FAF1: variants seen among roughly 807,000 people sequenced by gnomAD.
FAF1 encodes the protein FAS-associated factor 1.
Under a neutral mutation model 92.5 loss-of-function variants are expected in FAF1, and 25 were observed. The observed-to-expected ratio is 0.27, with a 90% confidence interval of 0.20 to 0.38. The LOEUF is 0.38. Ranked by LOEUF, FAF1 falls within the 10% of genes least tolerant of loss-of-function variation. FAF1 has a pLI of 1.00. For missense variants in FAF1, 636 were observed against 793.3 expected (o/e 0.80, Z 2.38); for synonymous variants, 234 against 273.2 (o/e 0.86, Z 1.42).
chr1:50,595,936 C>T (rs1258380498), intron 9 of FAF1, among the ~76,000 whole-genome samples, 185 bp downstream of exon 9: 3 of 152,084 alleles, frequency 2.0e-5, no homozygotes, highest in Non-Finnish European at 4.4e-5. Flanking sequence ...ACTAACAGAG[C>T]GAGAAGGAGC....
chr1:50,539,783 T>C lies in FAF1; in HGVS notation c.1269-55A>G, dbSNP rs1433525431. 7 of 1,292,662 alleles carry C rather than the reference T, an allele frequency of 5.4e-6. No individual in the cohort carries two copies. The East Asian group carries it at 1.6e-4, about 30-fold the overall frequency. The allele number at this position is 1,292,662 out of a possible 1,614,324, so 80.1% of individuals were successfully genotyped here. ...TTGCTTTGTAGTTTAATAGATTTAC[T>C]AGTACTTCAACAAAGAACTCATTGT... On this transcript the variant is annotated intron_variant, in intron 13 of 18. Transcript: ENST00000396153.
At chr1:50,954,574 G>C (rs1211856178) in intron 1 of FAF1, among the ~76,000 whole-genome samples, 1 of 125,964 alleles carries the variant, frequency 7.9e-6, no homozygotes, top group African/African-American at 3.0e-5. Flanking sequence ...AGAGTCTTAC[G>C]CTGTCACCCA....
chr1:50,644,601 A>C lies in FAF1; in HGVS notation c.744+10841T>G, dbSNP rs1435153554. 1.3e-5 allele frequency among the ~76,000 whole-genome samples: 2 copies of C among 152,174 alleles called. 1 individual carries two copies. Among genetic ancestry groups the C allele is most frequent in the East Asian group, 3.9e-4 (2 of 5,192 alleles). ...TCCCTTCAACTCAGCGAAATTACCA[A>C]GTTCTGTTTTACTTTCCCTTTCCTG... On this transcript the variant is annotated intron_variant, in intron 8 of 18. Coordinates refer to ENST00000396153, the MANE Select transcript of FAF1 (RefSeq NM_007051.3).
intron 17 of FAF1, among the ~76,000 whole-genome samples, chr1:50,484,285 T>G (rs974409739): frequency 3.3e-5 from 5 of 152,106 alleles, no homozygotes; most frequent in Non-Finnish European, 7.4e-5. Context: ...ATTTCCTAAA[T>G]CAAAATTCAA....
chr1:50,877,520 T>C (rs565011016), intron 1 of FAF1, among the ~76,000 whole-genome samples: 2 of 152,248 alleles, frequency 1.3e-5, no homozygotes, highest in East Asian at 3.9e-4. Context: ...ATATATTATG[T>C]ATTAAAAATA....
chr1:50,954,057 T>C (rs1455687532), intron 1 of FAF1, among the ~76,000 whole-genome samples: 1 of 151,922 alleles, frequency 6.6e-6, no homozygotes, highest in Non-Finnish European at 1.5e-5. Flanking sequence ...TATGCCATTC[T>C]CCTGCCTCAG....
chr1:50,779,707 G>T (rs1569934825), intron 4 of FAF1, among the ~76,000 whole-genome samples: 1 of 151,974 alleles, frequency 6.6e-6, no homozygotes, highest in Admixed American at 6.6e-5. Flanking sequence ...GTATGTGACT[G>T]AAGTTAGATT....
chr1:50,488,693 T>A (rs111549412), intron 17 of FAF1, among the ~76,000 whole-genome samples: 2 of 152,320 alleles, frequency 1.3e-5, no homozygotes, highest in African/African-American at 4.8e-5. Flanking sequence ...AGTCATAAAG[T>A]CCTGGATGAG....
chr1:50,850,771 A>T (rs948031343), intron 2 of FAF1, among the ~76,000 whole-genome samples: 1 of 152,132 alleles, frequency 6.6e-6, no homozygotes, highest in Non-Finnish European at 1.5e-5. Flanking sequence ...TTAAGAAATT[A>T]TATTATCATT....
intron 8 of FAF1, among the ~76,000 whole-genome samples, chr1:50,647,170 T>G (rs1161999239): frequency 6.6e-6 from 1 of 152,030 alleles, no homozygotes; most frequent in Non-Finnish European, 1.5e-5. Flanking sequence ...ACTTCTACAT[T>G]TGAGTCCTGG....
At chr1:50,845,750 TTGGGAGAAATTTCC>T (rs1644293489) in intron 2 of FAF1, among the ~76,000 whole-genome samples, 1 of 152,098 alleles carries the variant, frequency 6.6e-6, no homozygotes, top group African/African-American at 2.4e-5. Context: ...GGACAATTTC[TTGGGAGAAATTTCC>T]TGGGAGAAAT....
rs760933574 is a variant in FAF1 at position 50,554,386 on chromosome 1, T to TAGAGAG, written c.1268+12690_1268+12691insCTCTCT. ...GTAAATATATATATATATATATATA[T>TAGAGAG]ATATAGAGAGAGAGAGAGAGAGAGA... On this transcript the variant is annotated intron_variant, in intron 13 of 18. Coordinates refer to ENST00000396153, the MANE Select transcript of FAF1 (RefSeq NM_007051.3). Among the ~76,000 whole-genome samples the TAGAGAG allele has an allele frequency of 4.2e-3, 419 of 99,426 alleles. 2 individuals carry two copies. The highest frequency in any genetic ancestry group is 0.011 in the African/African-American group (237 of 22,040). 65.2% of individuals were successfully genotyped at this position (99,426 alleles called of 152,430 possible). A position where few individuals can be genotyped will look rare whatever the true frequency, so the allele number is the denominator to read the frequency against.
At chr1:50,792,367 T>C (rs1661594548) in intron 3 of FAF1, among the ~76,000 whole-genome samples, 1 of 152,248 alleles carries the variant, frequency 6.6e-6, no homozygotes, top group Admixed American at 6.5e-5. Flanking sequence ...CTTTCTAAGT[T>C]TCCTTTGTTT....
intron 1 of FAF1, among the ~76,000 whole-genome samples, chr1:50,887,263 G>A (rs1028849988): frequency 1.2e-4 from 19 of 152,194 alleles, no homozygotes; most frequent in South Asian, 4.2e-4. Context: ...TTCTTTGTAG[G>A]TTCTGGATAT....
intron 13 of FAF1, among the ~76,000 whole-genome samples, chr1:50,554,490 T>C (rs572850468): frequency 1.3e-5 from 2 of 151,574 alleles, no homozygotes; most frequent in Non-Finnish European, 2.9e-5. Context: ...TGGTTGTAGT[T>C]GTCATCATGT....
chr1:50,682,457 G>A (rs575192974), intron 7 of FAF1, among the ~76,000 whole-genome samples: 3 of 152,220 alleles, frequency 2.0e-5, no homozygotes, highest in South Asian at 2.1e-4. Flanking sequence ...AGAGAGCTGT[G>A]GAACTGTGAA....
intron 2 of FAF1, among the ~76,000 whole-genome samples, chr1:50,845,987 G>A (rs1360020123): frequency 6.6e-6 from 1 of 151,972 alleles, no homozygotes; most frequent in African/African-American, 2.4e-5. Context: ...AGCTGGGCGT[G>A]GTGGGGCACG....
At position 50,738,873 on chromosome 1, in the gene FAF1, T is replaced by G. The variant is rs1284558541; in HGVS notation, c.541A>C (p.Ser181Arg). Residue 181 changes from serine to arginine, a missense_variant, in exon 6 of 19, where the codon AGT becomes CGT. This residue lies in a region of FAF1 where 317 missense variants were observed against 342.4 expected (regional missense o/e 0.93). Transcript: ENST00000396153. ...ATATAAACAACTTACCCAGCATGAC[T>G]AGATGATGAAGGTGGTGGCAAATCT... ...TPDLPPPSSS[S>R]HAGALQESLN... is the part of the protein sequence containing the mutation. The G allele has an allele frequency of 1.2e-6, 2 of 1,602,000 alleles. No individual in the cohort carries two copies. The highest frequency in any genetic ancestry group is 1.3e-5 in the African/African-American group (1 of 74,698).
intron 4 of FAF1, among the ~76,000 whole-genome samples, chr1:50,762,000 ACAAAAT>A (rs1365226652): frequency 6.6e-6 from 1 of 152,196 alleles, no homozygotes; most frequent in African/African-American, 2.4e-5. Flanking sequence ...GTCTCAGGAT[ACAAAAT>A]CAATGTACAA....
Sources: gnomAD v4.1 joint callset for allele counts (sites outside exome capture counted in the v4.1 genomes callset) on GRCh38, gnomAD v4.1.1 for gene constraint, gnomAD v4.1.1 regional missense constraint, MANE v1.5 for transcripts, NCBI Gene and HGNC (gene_info 2026-07-23, HGNC 2026-07-21) for gene names.